The following TMED3 variants were observed in gnomAD, a reference collection of about 807,000 sequenced individuals.
TMED3 encodes transmembrane p24 trafficking protein 3.
Under a neutral mutation model 15.0 loss-of-function variants are expected in TMED3, and 9 were observed. The ratio of observed to expected loss-of-function variants is 0.60; its 90% CI spans 0.36 to 1.04. TMED3 has a LOEUF of 1.04. Among genes scored for constraint, TMED3 ranks in the 50% least tolerant of loss-of-function variants. The pLI is 0.01. For synonymous variants in TMED3, 117 were observed against 121.4 expected (o/e 0.96, Z 0.24); for missense variants, 267 against 278.9 (o/e 0.96, Z 0.30).
intron 2 of TMED3, among the ~76,000 whole-genome samples, chr15:79,342,888 G>A (rs2058856562): frequency 6.6e-6 from 1 of 152,190 alleles, no homozygotes. Context: ...GTAAATGTAT[G>A]TAATATTAGG....
intron 2 of TMED3, among the ~76,000 whole-genome samples, chr15:79,407,916 G>A (rs929120775): frequency 2.0e-5 from 3 of 152,188 alleles, no homozygotes; most frequent in African/African-American, 7.2e-5. Context: ...TGCTCTGGTA[G>A]AGAACCAGAT....
At chr15:79,319,903 G>A (rs770065291) in intron 2 of TMED3, among the ~76,000 whole-genome samples, 1 of 152,196 alleles carries the variant, frequency 6.6e-6, no homozygotes, top group Non-Finnish European at 1.5e-5. Flanking sequence ...AGGTACACAG[G>A]ATGGAACATG....
chr15:79,357,464 C>CAAAAAAA (rs59897659), intron 2 of TMED3, among the ~76,000 whole-genome samples: 3 of 87,716 alleles, frequency 3.4e-5, no homozygotes, highest in Non-Finnish European at 6.6e-5. Context: ...CACCCTGCCT[C>CAAAAAAA]AAAAAAAAAA....
chr15:79,311,339 C>T lies in TMED3; in HGVS notation c.90C>T (p.Thr30=). The part of the protein sequence containing the change: ...RAEQPCGAEL[T]FELPDNAKQC... Reference sequence around the variant, plus strand: ...AGCAGCCCTGCGGGGCCGAGCTCACCTTCGAGCTGCCGGACAACGCCAAGC... The same window carrying T: ...AGCAGCCCTGCGGGGCCGAGCTCACTTTCGAGCTGCCGGACAACGCCAAGC... The change falls in exon 1 of 3, where the codon ACC becomes ACT. Residue 30 remains threonine, a synonymous_variant. Transcript: ENST00000299705. 1 of 1,611,490 alleles carries T rather than the reference C, an allele frequency of 6.2e-7. No homozygotes were observed. The highest frequency in any genetic ancestry group is 8.5e-7 in the Non-Finnish European group (1 of 1,179,316).
chr15:79,325,900 C>T (rs564803777), downstream of TMED3, among the ~76,000 whole-genome samples: 91 of 152,182 alleles, frequency 6.0e-4, no homozygotes, highest in African/African-American at 1.8e-3. Context: ...TTTGTTCTAG[C>T]GCTGCTGGCA....
chr15:79,351,729 T>C (rs984028315), intron 2 of TMED3, among the ~76,000 whole-genome samples: 1 of 152,140 alleles, frequency 6.6e-6, no homozygotes, highest in African/African-American at 2.4e-5. Context: ...CTGGGGCATC[T>C]ACCCATAGGA....
At chr15:79,323,916 T>A (rs2058777727), downstream of TMED3, among the ~76,000 whole-genome samples, 1 of 152,266 alleles carries the variant, frequency 6.6e-6, no homozygotes, top group Admixed American at 6.5e-5. Context: ...GGCAATAAAA[T>A]GTACTGCTTA....
chr15:79,334,887 C>T (rs77587746), intron 2 of TMED3, among the ~76,000 whole-genome samples: 1 of 152,208 alleles, frequency 6.6e-6, no homozygotes, highest in African/African-American at 2.4e-5. Context: ...AGGAGCTGTC[C>T]AGTCTCAGGG....
At chr15:79,373,572 G>C (rs1893378326) in intron 2 of TMED3, among the ~76,000 whole-genome samples, 1 of 152,130 alleles carries the variant, frequency 6.6e-6, no homozygotes, top group Non-Finnish European at 1.5e-5. Context: ...GAGATGCTGC[G>C]GCTTTGGGTT....
intron 1 of TMED3, among the ~76,000 whole-genome samples, chr15:79,311,681 C>T (rs756823090): frequency 3.3e-5 from 5 of 152,304 alleles, no homozygotes; most frequent in Admixed American, 2.0e-4. Flanking sequence ...GGGCGGATCC[C>T]GCAGCCTGGG....
At chr15:79,327,597 C>A (rs76185668), downstream of TMED3, among the ~76,000 whole-genome samples, 204 of 152,324 alleles carry the variant, frequency 1.3e-3, 1 homozygote, top group Middle Eastern at 6.8e-3. Flanking sequence ...GCGAATGTGC[C>A]TAGCACAATA....
chr15:79,391,432 G>A (rs1893693197), intron 2 of TMED3, among the ~76,000 whole-genome samples: 1 of 152,048 alleles, frequency 6.6e-6, no homozygotes, highest in Non-Finnish European at 1.5e-5. Context: ...TGGTCTGAGA[G>A]CATGCTTGAT....
chr15:79,324,370 T>C (rs982453410), downstream of TMED3, among the ~76,000 whole-genome samples: 7 of 152,190 alleles, frequency 4.6e-5, no homozygotes, highest in Non-Finnish European at 7.3e-5. Flanking sequence ...TTTTTTGTTA[T>C]AGAGAAATAC....
chr15:79,314,041 C>T, intron 2 of TMED3, 36 bp downstream of exon 2: 1 of 1,608,562 alleles, frequency 6.2e-7, no homozygotes, highest in Non-Finnish European at 8.5e-7. Context: ...CTGCTGAACC[C>T]CCTAGCGTGT....
At chr15:79,404,533 G>C (rs56111405) in intron 2 of TMED3, among the ~76,000 whole-genome samples, 4 of 48,514 alleles carry the variant, frequency 8.2e-5, no homozygotes, top group African/African-American at 1.8e-4. Context: ...TTCCTTTGCC[G>C]TGCATATTCT....
chr15:79,341,810 C>T (rs2058852762), intron 2 of TMED3, among the ~76,000 whole-genome samples: 2 of 152,180 alleles, frequency 1.3e-5, no homozygotes, highest in African/African-American at 2.4e-5. Flanking sequence ...CCTGAGGAGA[C>T]ATTTGACAAT....
intron 2 of TMED3, among the ~76,000 whole-genome samples, chr15:79,366,610 T>A (rs1893240582): frequency 6.6e-6 from 1 of 152,242 alleles, no homozygotes; most frequent in Admixed American, 6.5e-5. Context: ...TTTCCATGCT[T>A]GGTTCGGGGA....
intron 2 of TMED3, among the ~76,000 whole-genome samples, chr15:79,377,295 TGTGA>T (rs58843604): frequency 0.035 from 4,746 of 133,952 alleles, 232 homozygotes; most frequent in African/African-American, 0.12. Context: ...TGTGTGTGTG[TGTGA>T]GAGAGAGAGA....
At chr15:79,395,467 C>T (rs1243263659) in intron 2 of TMED3, among the ~76,000 whole-genome samples, 3 of 152,214 alleles carry the variant, frequency 2.0e-5, no homozygotes, top group African/African-American at 7.2e-5. Flanking sequence ...ACGCTTGAGC[C>T]ACCGCGCCTG....
Sources: gnomAD v4.1 joint callset for allele counts (sites outside exome capture counted in the v4.1 genomes callset) on GRCh38, gnomAD v4.1.1 for gene constraint, MANE v1.5 for transcripts, NCBI Gene and HGNC (gene_info 2026-07-23, HGNC 2026-07-21) for gene names.